The following TBC1D2 variants were observed in gnomAD, a reference collection of about 807,000 sequenced individuals.
TBC1D2 encodes TBC1 domain family member 2.
TBC1D2 carries 58 observed loss-of-function variants against 91.1 expected under a neutral mutation model. That is an observed-to-expected ratio of 0.64 (90% CI 0.52 to 0.79). The LOEUF is 0.79. TBC1D2 is among the 30% of genes least tolerant of loss of function. TBC1D2 has a pLI of 0.00. For missense variants in TBC1D2, 1,080 were observed against 1,208.3 expected (o/e 0.89, Z 1.57); for synonymous variants, 482 against 511.5 (o/e 0.94, Z 0.78).
At chr9:98,247,728 C>CAAAAAAAAAAAAAAAAAAA (rs58713846) in intron 2 of TBC1D2, among the ~76,000 whole-genome samples, 1 of 70,838 alleles carries the variant, frequency 1.4e-5, no homozygotes, top group Non-Finnish European at 3.0e-5. Flanking sequence ...GACTCCGTCT[C>CAAAAAAAAAAAAAAAAAAA]AAAAAAAAAA....
intron 3 of TBC1D2, among the ~76,000 whole-genome samples, chr9:98,243,161 C>A (rs10760217): frequency 0.24 from 36,606 of 151,596 alleles, 4,628 homozygotes; most frequent in Non-Finnish European, 0.28. Flanking sequence ...TATTAAATAA[C>A]AAAGTAGTTG....
intron 8 of TBC1D2, 105 bp from the exon 9 acceptor site, chr9:98,209,249 C>T: frequency 1.8e-6 from 2 of 1,113,342 alleles, no homozygotes; most frequent in Non-Finnish European, 2.7e-6. Context: ...CCTGCCTTCA[C>T]TGAGGGTTAA....
rs575000503 is a variant in TBC1D2, at chr9:98,222,759, G to A, written c.979-1531C>T. On this transcript the variant is annotated intron_variant, in intron 5 of 12. Coordinates refer to ENST00000465784, the MANE Select transcript of TBC1D2 (RefSeq NM_001267571.2). ...GAAAAACATGGTTTCCTAGAGACAT[G>A]TCAACTATACCACACCAAAGTATTA... 3.9e-5 allele frequency among the ~76,000 whole-genome samples: 6 copies of A among 152,360 alleles called. No individual in the cohort carries two copies. The South Asian group carries it at 1.2e-3, about 32-fold the overall frequency.
At chr9:98,252,914 G>T (rs1309505527) in intron 1 of TBC1D2, among the ~76,000 whole-genome samples, 2 of 152,126 alleles carry the variant, frequency 1.3e-5, no homozygotes, top group East Asian at 3.8e-4. Context: ...CTATGCAGGG[G>T]GGAGTCTGTG....
At chr9:98,234,543 A>G (rs1829454642) in intron 3 of TBC1D2, among the ~76,000 whole-genome samples, 1 of 152,222 alleles carries the variant, frequency 6.6e-6, no homozygotes, top group Non-Finnish European at 1.5e-5. Flanking sequence ...CATTTAAAAA[A>G]TGAAATAGAA....
At chr9:98,213,905 T>C (rs1185065455) in intron 6 of TBC1D2, among the ~76,000 whole-genome samples, 5 of 152,184 alleles carry the variant, frequency 3.3e-5, no homozygotes, top group Non-Finnish European at 7.3e-5. Context: ...GCCCATCCAG[T>C]GGAGGGAATG....
Position 98,229,001 on chromosome 9 carries a change from G to T in TBC1D2, c.929C>A (p.Ala310Asp). The T allele has an allele frequency of 6.2e-7, 1 of 1,614,190 alleles. No individual in the cohort carries two copies. ...GAGCATCAGAACCTGTTGCTCCAAG[G>T]CTGCCACTTTCTCCTGGGCAGTTCG... ...RNRTAQEKVA[A>D]LEQQVLMLTK... The change falls in exon 5 of 13, where the codon GCC becomes GAC. Residue 310 changes from alanine to aspartate, a missense_variant. Physicochemically the swap from Ala to Asp is moderately radical, Grantham distance 126. Transcript: ENST00000465784.
At chr9:98,232,490 T>A (rs112984514) in intron 4 of TBC1D2, among the ~76,000 whole-genome samples, 5,862 of 152,076 alleles carry the variant, frequency 0.039, 209 homozygotes, top group African/African-American at 0.09. Context: ...CTAATTTTTT[T>A]ATTTTTTTGT....
At position 98,251,149 on chromosome 9, in the gene TBC1D2, G is replaced by A. The variant is rs143773609; in HGVS notation, c.511+636C>T. Among the ~76,000 whole-genome samples the A allele has an allele frequency of 7.8e-3, 1,182 of 152,228 alleles. 16 individuals carry two copies. The highest frequency in any genetic ancestry group is 0.027 in the African/African-American group (1,108 of 41,528). On this transcript the variant is annotated intron_variant, in intron 2 of 12. Transcript: ENST00000465784. ...AAAATACAAAAATTAGCCGGGCGTG[G>A]TGGCACGTGCCTGTAATCCCAGCTG...
rs953929269 is a variant in TBC1D2, at chr9:98,199,699, T to A, written c.2580-111A>T. Reference sequence around the variant, plus strand: ...TCCTTCTGCCTTTGTGGCTGAGCCCTGACCCCTGCCCTCAGGAGGAAACAA... The same window carrying A: ...TCCTTCTGCCTTTGTGGCTGAGCCCAGACCCCTGCCCTCAGGAGGAAACAA... On this transcript the variant is annotated intron_variant, in intron 12 of 12. Coordinates refer to ENST00000465784, the MANE Select transcript of TBC1D2 (RefSeq NM_001267571.2). 4 of 1,117,420 alleles carry A rather than the reference T, an allele frequency of 3.6e-6. No homozygotes were observed. In the African/African-American group the frequency reaches 4.6e-5, roughly 13 times the overall value. The allele number at this position is 1,117,420 out of a possible 1,614,324, so 69.2% of individuals were successfully genotyped here.
chr9:98,227,608 ACAAAAAC>A (rs1829262431), intron 5 of TBC1D2, among the ~76,000 whole-genome samples: 1 of 113,926 alleles, frequency 8.8e-6, no homozygotes, highest in South Asian at 2.3e-4. Flanking sequence ...AATACTAAAA[ACAAAAAC>A]CAAAAAACAA....
At chr9:98,245,629 A>G (rs1440959801) in intron 2 of TBC1D2, among the ~76,000 whole-genome samples, 2 of 152,202 alleles carry the variant, frequency 1.3e-5, no homozygotes, top group Non-Finnish European at 1.5e-5. Flanking sequence ...TCTCAAAGAA[A>G]TATACTCCGC....
intron 2 of TBC1D2, among the ~76,000 whole-genome samples, chr9:98,248,343 G>A (rs1260257424): frequency 6.6e-6 from 1 of 152,228 alleles, no homozygotes; most frequent in Admixed American, 6.5e-5. Context: ...CTGCAGTCTG[G>A]GGCACCCTGG....
rs1166604380 is a variant in TBC1D2, at chr9:98,199,504, C to T, written c.2664G>A (p.Arg888=). ...CCAGCTCCCGCAGCTCAGCCTCCAGCCGCTCCCGGTGGACCATGCGCAGCT... is the reference window on the plus strand; with the variant it reads ...CCAGCTCCCGCAGCTCAGCCTCCAGTCGCTCCCGGTGGACCATGCGCAGCT... ...LRQLRMVHRE[R]LEAELRELEQ... The change falls in exon 13 of 13, where the codon CGG becomes CGA. Residue 888 remains arginine (R), a synonymous_variant. Coordinates refer to ENST00000465784, the MANE Select transcript of TBC1D2 (RefSeq NM_001267571.2). The T allele has an allele frequency of 2.5e-6, 4 of 1,614,190 alleles. No individual in the cohort carries two copies. In the Admixed American group the frequency reaches 5.0e-5, roughly 20 times the overall value.
Position 98,221,203 on chromosome 9 carries a change from G to GC in TBC1D2, c.1003dup (p.Ala335GlyfsTer20). The GC allele has an allele frequency of 6.4e-7, 1 of 1,550,750 alleles. No homozygotes were observed. Among genetic ancestry groups the GC allele is most frequent in the South Asian group, 1.2e-5 (1 of 84,054 alleles). ...CTTCTCCTGCTGGGCGGCCTCCAGT[G>GC]CCTTGTGCAGGATCTTCACTAGCTC... On this transcript the variant is annotated frameshift_variant, in exon 6 of 13. Transcript: ENST00000465784. LOFTEE classifies it high-confidence loss of function.
At chr9:98,212,124 C>T (rs569657573) in intron 7 of TBC1D2, among the ~76,000 whole-genome samples, 13 of 152,104 alleles carry the variant, frequency 8.5e-5, no homozygotes, top group Non-Finnish European at 1.3e-4. Flanking sequence ...GCTGCTGATT[C>T]CAAACAATCT....
At chr9:98,249,072 G>C (rs1479867233) in intron 2 of TBC1D2, among the ~76,000 whole-genome samples, 1 of 152,176 alleles carries the variant, frequency 6.6e-6, no homozygotes, top group Non-Finnish European at 1.5e-5. Context: ...CGGGCGAGGT[G>C]GGGCAGCCTG....
At chr9:98,199,007 A>C, downstream of TBC1D2, 1 of 291,248 alleles carries the variant, frequency 3.4e-6, no homozygotes, top group Non-Finnish European at 6.5e-6. Context: ...GTAACTGAGA[A>C]CTGTTTAAGT....
In TBC1D2 at chr9:98,244,077, A is replaced by T. The variant is rs763682399; in HGVS notation, c.564T>A (p.Pro188=). 6.2e-7 allele frequency: 1 copy of T among 1,613,234 alleles called. No homozygotes were observed. The highest frequency in any genetic ancestry group is 8.5e-7 in the Non-Finnish European group (1 of 1,179,658). Residue 188 remains proline, a synonymous_variant, in exon 3 of 13, where the codon CCT becomes CCA. Coordinates refer to ENST00000465784, the MANE Select transcript of TBC1D2 (RefSeq NM_001267571.2). ...AGGCAGCTGCCACGCCCACTAGCCC[A>T]GGGGGTGTTTTCACAGGGCACAGGA... ...EEFLCPVKTP[P]GLVGVAAALQ...
Sources: allele counts gnomAD v4.1 joint callset (sites outside exome capture counted in the v4.1 genomes callset), GRCh38; gene constraint gnomAD v4.1.1; transcripts MANE v1.5; gene names NCBI Gene and HGNC (gene_info 2026-07-23, HGNC 2026-07-21).